MYOZ2: variants seen among roughly 807,000 people sequenced by gnomAD.
MYOZ2 encodes myozenin 2.
In MYOZ2, 19 loss-of-function variants were observed where a neutral mutation model predicts 25.4. The observed-to-expected ratio is 0.75, with a 90% CI of 0.52 to 1.10. MYOZ2 has a LOEUF of 1.10. Ranked by LOEUF, MYOZ2 falls within the 50% of genes least tolerant of loss-of-function variation. The pLI is 0.00. For missense variants in MYOZ2, 270 were observed against 317.9 expected, an observed-to-expected ratio of 0.85 and a Z score of 1.15; for synonymous variants, 92 against 106.9, an observed-to-expected ratio of 0.86 and a Z score of 0.86.
At chr4:119,175,518 T>C (rs1578369311) in intron 5 of MYOZ2, among the ~76,000 whole-genome samples, 2 of 152,048 alleles carry the variant, frequency 1.3e-5, no homozygotes, top group South Asian at 4.2e-4. Context: ...CCCAGCACTT[T>C]GGGAGGCTGG....
At chr4:119,167,441 G>T (rs146771475) in intron 5 of MYOZ2, among the ~76,000 whole-genome samples, 1 of 152,090 alleles carries the variant, frequency 6.6e-6, no homozygotes, top group Non-Finnish European at 1.5e-5. Context: ...GAGGAAAGAC[G>T]CCATCTTCTT....
At chr4:119,149,378 C>A (rs192075286) in intron 2 of MYOZ2, among the ~76,000 whole-genome samples, 6 of 152,352 alleles carry the variant, frequency 3.9e-5, no homozygotes, top group Middle Eastern at 6.8e-3. Flanking sequence ...AAGATCTTAA[C>A]GTGGGTGAGA....
rs1741621285 is a variant in MYOZ2, at chr4:119,158,026, G to A, written c.251G>A (p.Ser84Asn). Reference protein sequence around the residue: ...QYQSRAQINHSIAMQNGKVDG... With the variant: ...QYQSRAQINHNIAMQNGKVDG... ...TTTACTTTTGATTAAATACAGCACA[G>A]TATTGCTATGCAGAATGGGAAAGTG... Residue 84 changes from serine (S) to asparagine (N), a missense_variant, in exon 4 of 6, where the codon AGT becomes AAT. Coordinates refer to ENST00000307128, the MANE Select transcript of MYOZ2 (RefSeq NM_016599.5). 3.1e-6 allele frequency: 5 copies of A among 1,613,862 alleles called. No individual in the cohort carries two copies. In the South Asian group the frequency reaches 4.4e-5, roughly 14 times the overall value.
At chr4:119,168,525 G>C (rs1741877095) in intron 5 of MYOZ2, among the ~76,000 whole-genome samples, 1 of 152,086 alleles carries the variant, frequency 6.6e-6, no homozygotes, top group African/African-American at 2.4e-5. Flanking sequence ...CAGGACTTTG[G>C]AAAAAGTTCA....
intron 5 of MYOZ2, among the ~76,000 whole-genome samples, chr4:119,176,345 G>A (rs540331567): frequency 7.9e-5 from 12 of 152,044 alleles, no homozygotes; most frequent in African/African-American, 1.4e-4. Flanking sequence ...TTCAGACTCC[G>A]GAGTAGCTGG....
chr4:119,153,694 A>G lies in MYOZ2; in HGVS notation c.246+2653A>G, dbSNP rs566583263. Among the ~76,000 whole-genome samples, 63 of 152,262 alleles carry G rather than the reference A, an allele frequency of 4.1e-4. 1 individual carries two copies. The highest frequency in any genetic ancestry group is 1.4e-3 in the African/African-American group (60 of 41,566). ...GAAAATATAAACCACCCCCCTGGTA[A>G]TTAATGCCATTTGTTCAAATACTAC... On this transcript the variant is annotated intron_variant, in intron 3 of 5. Coordinates refer to ENST00000307128, the MANE Select transcript of MYOZ2 (RefSeq NM_016599.5).
At chr4:119,151,191 G>T in intron 3 of MYOZ2, 150 bp downstream of exon 3, 1 of 812,758 alleles carries the variant, frequency 1.2e-6, no homozygotes, top group South Asian at 1.7e-5. Context: ...GAATAGTTTA[G>T]GTGGGTAAAC....
intron 5 of MYOZ2, among the ~76,000 whole-genome samples, chr4:119,172,319 T>C (rs1741963218): frequency 6.6e-6 from 1 of 152,190 alleles, no homozygotes; most frequent in South Asian, 2.1e-4. Context: ...ACCAGAGTTT[T>C]ATTATTACTG....
chr4:119,154,269 C>T (rs1207301102), intron 3 of MYOZ2, among the ~76,000 whole-genome samples: 2 of 152,234 alleles, frequency 1.3e-5, no homozygotes, highest in African/African-American at 4.8e-5. Context: ...TTTTAATTTA[C>T]ATAATCTATA....
intron 2 of MYOZ2, among the ~76,000 whole-genome samples, chr4:119,148,875 A>G (rs991313202): frequency 2.0e-5 from 3 of 151,226 alleles, no homozygotes; most frequent in Non-Finnish European, 4.4e-5. Flanking sequence ...TATTTGTCAG[A>G]TAGTTTTAAT....
chr4:119,156,031 C>T (rs2149222868), intron 3 of MYOZ2, among the ~76,000 whole-genome samples: 1 of 152,158 alleles, frequency 6.6e-6, no homozygotes, highest in South Asian at 2.1e-4. Flanking sequence ...AAATGAAATT[C>T]CCTGTTCTCA....
chr4:119,170,032 C>G (rs918334554), intron 5 of MYOZ2, among the ~76,000 whole-genome samples: 1 of 151,996 alleles, frequency 6.6e-6, no homozygotes, highest in Admixed American at 6.6e-5. Context: ...ATAAAATGAA[C>G]TATCTTAATC....
In MYOZ2 at chr4:119,185,332, T is replaced by C. The variant is rs185071867; in HGVS notation, c.561-634T>C. Among the ~76,000 whole-genome samples, 12 of 152,210 alleles carry C rather than the reference T, an allele frequency of 7.9e-5. No individual in the cohort carries two copies. The East Asian group carries it at 2.1e-3, about 27-fold the overall frequency. ...GCAGGGAATATCTTTTTTTTTTCTT[T>C]TTAGACAGGTTTCACTCTGTCACCC... is the stretch of plus-strand genomic sequence containing the variant. On this transcript the variant is annotated intron_variant, in intron 5 of 5. Transcript: ENST00000307128.
At chr4:119,140,094 G>T (rs1741129627) in intron 2 of MYOZ2, among the ~76,000 whole-genome samples, 1 of 152,134 alleles carries the variant, frequency 6.6e-6, no homozygotes, top group African/African-American at 2.4e-5. Context: ...AGGAAGGCTG[G>T]ATTTGCTGAT....
At chr4:119,163,456 G>A (rs889093222) in intron 4 of MYOZ2, among the ~76,000 whole-genome samples, 1 of 152,180 alleles carries the variant, frequency 6.6e-6, no homozygotes, top group African/African-American at 2.4e-5. Flanking sequence ...AACTGGAAGA[G>A]TGTCACTCTA....
intron 4 of MYOZ2, among the ~76,000 whole-genome samples, chr4:119,161,571 C>T (rs1741711053): frequency 1.3e-5 from 2 of 151,966 alleles, no homozygotes; most frequent in African/African-American, 2.4e-5. Context: ...TGTAATATTT[C>T]TGTGAGGTTA....
intron 2 of MYOZ2, among the ~76,000 whole-genome samples, chr4:119,144,914 G>C (rs894608522): frequency 6.6e-6 from 1 of 152,126 alleles, no homozygotes; most frequent in Non-Finnish European, 1.5e-5. Context: ...CCTCTTAGTA[G>C]GGTCTGTCTC....
In MYOZ2 at chr4:119,185,988, T is replaced by A. The variant is rs554299359; in HGVS notation, c.583T>A (p.Phe195Ile). 27 of 1,613,898 alleles carry A rather than the reference T, an allele frequency of 1.7e-5. No individual in the cohort carries two copies. In the African/African-American group the frequency reaches 3.3e-4, roughly 20 times the overall value. ...CAGGGTTGCCACACCATTTGGAGGT[T>A]TTGAAAAAGCATCAAGAATGGTTAA... ...FNRVATPFGG[F>I]EKASRMVKFK... The change falls in exon 6 of 6, where the codon TTT becomes ATT. Residue 195 changes from phenylalanine (F) to isoleucine (I), a missense_variant. Coordinates refer to ENST00000307128, the MANE Select transcript of MYOZ2 (RefSeq NM_016599.5).
Position 119,150,857 on chromosome 4 carries a change from A to G in MYOZ2, c.77-15A>G, listed in dbSNP as rs1305633796. On this transcript the variant is annotated splice_polypyrimidine_tract_variant and intron_variant, in intron 2 of 5. Coordinates refer to ENST00000307128, the MANE Select transcript of MYOZ2 (RefSeq NM_016599.5). The stretch of plus-strand genomic sequence containing the variant: ...TTACCTTGGGATTTTTACTCATATG[A>G]ATATTGTTTTACAGATGTTGATGGC... 2 of 1,612,004 alleles carry G rather than the reference A, an allele frequency of 1.2e-6. No individual in the cohort carries two copies. Among genetic ancestry groups the G allele is most frequent in the South Asian group, 2.2e-5 (2 of 91,016 alleles).
Sources: allele counts gnomAD v4.1 joint callset (sites outside exome capture counted in the v4.1 genomes callset), GRCh38; gene constraint gnomAD v4.1.1; transcripts MANE v1.5; gene names NCBI Gene and HGNC (gene_info 2026-07-23, HGNC 2026-07-21).